Variants in BTD observed in about 807,000 individuals in gnomAD.
The protein encoded by BTD is biotinidase.
Under a neutral mutation model 17.7 loss-of-function variants are expected in BTD, and 13 were observed. The ratio of observed to expected loss-of-function variants is 0.74; its 90% CI spans 0.48 to 1.17. The LOEUF (loss-of-function observed/expected upper bound fraction) is 1.17. BTD is among the 50% of genes most tolerant of loss of function. The pLI, the probability that BTD is intolerant of heterozygous loss-of-function variation, is 0.00. For missense variants in BTD, 674 were observed against 650.4 expected (o/e 1.04, Z -0.39); for synonymous variants, 240 against 245.2 (o/e 0.98, Z 0.20).
At chr3:15,663,124 A>C (rs375634310) in intron 3 of BTD, among the ~76,000 whole-genome samples, 4 of 151,928 alleles carry the variant, frequency 2.6e-5, no homozygotes, top group Admixed American at 2.6e-4. Flanking sequence ...CAGCCTCCCA[A>C]GTAGCTGGGA....
Position 15,644,709 on chromosome 3 carries a change from C to G in BTD, c.793C>G (p.Gln265Glu). ...CCCACTCTTGGCAGCAATTGAGATT[C>G]AGAAAGCTTTTGCTGTTGCCTTTGG... is the stretch of plus-strand genomic sequence containing the variant. ...QLPLLAAIEI[Q>E]KAFAVAFGIN... Residue 265 changes from glutamine (Q) to glutamate (E), a missense_variant, in exon 4 of 4, where the codon CAG becomes GAG. By Grantham distance (29) the Gln-to-Glu change is conservative (BLOSUM62 2). Transcript: ENST00000643237. 1 of 1,614,202 alleles carries G rather than the reference C, an allele frequency of 6.2e-7. No homozygotes were observed. The highest frequency in any genetic ancestry group is 8.5e-7 in the Non-Finnish European group (1 of 1,180,036).
At chr3:15,656,510 G>T (rs1048061170), downstream of BTD, among the ~76,000 whole-genome samples, 3 of 152,208 alleles carry the variant, frequency 2.0e-5, no homozygotes, top group African/African-American at 4.8e-5. Flanking sequence ...TGTTCTTTGT[G>T]CTCTTGCAAT....
exon 4 of BTD, among the ~76,000 whole-genome samples, chr3:15,710,857 T>C (rs947664900): frequency 6.6e-6 from 1 of 152,118 alleles, no homozygotes; most frequent in African/African-American, 2.4e-5. Flanking sequence ...TTAACAAATC[T>C]ACTTAAAGAG....
At position 15,645,229 on chromosome 3, in the gene BTD, G is replaced by A; in HGVS notation, c.1313G>A (p.Cys438Tyr). 1.9e-6 allele frequency: 3 copies of A among 1,614,182 alleles called. No homozygotes were observed. Among genetic ancestry groups the A allele is most frequent in the Non-Finnish European group, 2.5e-6 (3 of 1,180,018 alleles). ...TVHGTYYIQV[C>Y]ALVRCGGLGF... ...CATGGCACTTACTACATCCAAGTGT[G>A]TGCCCTGGTCAGGTGTGGGGGTCTT... Residue 438 changes from cysteine (C) to tyrosine (Y), a missense_variant, in exon 4 of 4, where the codon TGT becomes TAT. Cys to Tyr is a radical substitution (Grantham distance 194). Transcript: ENST00000643237.
At chr3:15,711,297 T>C (rs371771067) in exon 4 of BTD, 5 of 1,570,738 alleles carry the variant, frequency 3.2e-6, no homozygotes, top group Non-Finnish European at 4.4e-6. Flanking sequence ...ATACATCTTA[T>C]TTATAACAGA....
chr3:15,665,135 C>A (rs544559154), intron 3 of BTD, among the ~76,000 whole-genome samples: 1 of 152,012 alleles, frequency 6.6e-6, no homozygotes, highest in South Asian at 2.1e-4. Context: ...AATGAGACAA[C>A]CACAAGGAAA....
chr3:15,640,477 G>T (rs912916471), intron 2 of BTD, among the ~76,000 whole-genome samples: 14 of 150,704 alleles, frequency 9.3e-5, no homozygotes, highest in Non-Finnish European at 1.9e-4. Context: ...CGCAACCTCT[G>T]CCTCCCGGGT....
At chr3:15,675,528 A>C (rs773601997) in intron 3 of BTD, among the ~76,000 whole-genome samples, 2 of 152,232 alleles carry the variant, frequency 1.3e-5, no homozygotes, top group African/African-American at 4.8e-5. Flanking sequence ...TGAAGTAGGC[A>C]AAAGGGGACA....
At chr3:15,677,476 A>C (rs776492974) in intron 3 of BTD, 1 of 1,603,928 alleles carries the variant, frequency 6.2e-7, no homozygotes, top group Non-Finnish European at 8.5e-7. Flanking sequence ...AGATGTATAC[A>C]TACCTTGCTA....
rs183746677 is a variant in BTD at position 15,659,914 on chromosome 3, G to T, written c.399+17857G>T. Reference sequence around the variant, plus strand: ...GATAGGACATCTGAGGTTCAGGGAGGTTTAATTATTTGCCCAAAGGTCACA... The same window carrying T: ...GATAGGACATCTGAGGTTCAGGGAGTTTTAATTATTTGCCCAAAGGTCACA... On this transcript the variant is annotated intron_variant, in intron 3 of 3. Transcript: ENST00000672141. Among the ~76,000 whole-genome samples, 4 of 152,306 alleles carry T rather than the reference G, an allele frequency of 2.6e-5. No individual in the cohort carries two copies. The East Asian group carries it at 7.7e-4, about 29-fold the overall frequency.
At chr3:15,708,499 TA>T (rs898579572) in intron 3 of BTD, among the ~76,000 whole-genome samples, 5 of 151,798 alleles carry the variant, frequency 3.3e-5, no homozygotes, top group African/African-American at 7.2e-5. Context: ...GAAGAAACAT[TA>T]AAAAAAATGT....
chr3:15,667,498 CTGTG>C (rs2125551439), intron 3 of BTD: 1 of 152,350 alleles, frequency 6.6e-6, no homozygotes, highest in Admixed American at 6.5e-5. Flanking sequence ...CTTTTCTACT[CTGTG>C]TGAGGATAAG....
At chr3:15,709,427 T>C (rs1269815160) in intron 3 of BTD, among the ~76,000 whole-genome samples, 1 of 152,130 alleles carries the variant, frequency 6.6e-6, no homozygotes, top group Non-Finnish European at 1.5e-5. Flanking sequence ...ATAGCAAGTA[T>C]AGAGGCATTT....
At chr3:15,657,675 G>C (rs1251045409), downstream of BTD, among the ~76,000 whole-genome samples, 1 of 152,132 alleles carries the variant, frequency 6.6e-6, no homozygotes, top group Non-Finnish European at 1.5e-5. Flanking sequence ...TCTTGGGTGG[G>C]GATGGTCCCA....
intron 3 of BTD, among the ~76,000 whole-genome samples, chr3:15,709,250 C>T (rs2071893911): frequency 6.6e-6 from 1 of 152,158 alleles, no homozygotes; most frequent in Non-Finnish European, 1.5e-5. Flanking sequence ...CTCCCTCTTA[C>T]TACTGCTCTG....
intron 3 of BTD, among the ~76,000 whole-genome samples, chr3:15,705,688 A>C (rs1023617216): frequency 1.3e-5 from 2 of 152,244 alleles, no homozygotes; most frequent in Non-Finnish European, 2.9e-5. Context: ...AATAAAATAC[A>C]CATTACTATT....
intron 3 of BTD, chr3:15,685,108 C>T (rs923863077): frequency 5.1e-6 from 5 of 982,004 alleles, no homozygotes; most frequent in Non-Finnish European, 7.8e-6. Context: ...TGAGCCTATA[C>T]AGTAGATTAT....
At chr3:15,630,136 C>G in intron 1 of BTD, 7 of 956,250 alleles carry the variant, frequency 7.3e-6, no homozygotes, top group Non-Finnish European at 8.7e-6. Flanking sequence ...TAAAAAACAG[C>G]TTTCATGAAA....
At position 15,625,529 on chromosome 3, in the gene BTD, T is replaced by A. The variant is rs1012506004; in HGVS notation, c.-16-9895T>A. 2.6e-5 allele frequency among the ~76,000 whole-genome samples: 4 copies of A among 152,194 alleles called. No individual in the cohort carries two copies. In the East Asian group the frequency reaches 5.8e-4, roughly 22 times the overall value. On this transcript the variant is annotated intron_variant, in intron 1 of 3. Transcript: ENST00000643237. Reference sequence around the variant, plus strand: ...CTAAGACTGGGTCCCTCTGGAGTTGTTTTTTGTTTGTTTGTTTGTTTTGTT... The same window carrying A: ...CTAAGACTGGGTCCCTCTGGAGTTGATTTTTGTTTGTTTGTTTGTTTTGTT...
Sources: gnomAD v4.1 joint callset for allele counts (sites outside exome capture counted in the v4.1 genomes callset) on GRCh38, gnomAD v4.1.1 for gene constraint, MANE v1.5 for transcripts, NCBI Gene and HGNC (gene_info 2026-07-23, HGNC 2026-07-21) for gene names.